Variants in ATRNL1 observed in about 807,000 individuals in gnomAD.
The protein encoded by ATRNL1 is attractin like 1.
In ATRNL1, 95 loss-of-function variants were observed where a neutral mutation model predicts 182.7. The ratio of observed to expected loss-of-function variants is 0.52; its 90% CI spans 0.44 to 0.62. The LOEUF is 0.62. Among genes scored for constraint, ATRNL1 ranks in the 20% least tolerant of loss-of-function variants. The pLI is 0.00. For synonymous variants in ATRNL1, 576 were observed against 568.3 expected (o/e 1.01, Z -0.19); for missense variants, 1,471 against 1,679.5 (o/e 0.88, Z 2.17).
chr10:115,145,251 T>G (rs1554879042), intron 5 of ATRNL1, among the ~76,000 whole-genome samples: 2 of 152,180 alleles, frequency 1.3e-5, no homozygotes, highest in Admixed American at 6.5e-5. Context: ...GATAAGTGAC[T>G]CTTCCTTTTC....
intron 27 of ATRNL1, among the ~76,000 whole-genome samples, chr10:115,819,071 T>C (rs1347105463): frequency 6.6e-6 from 1 of 152,092 alleles, no homozygotes; most frequent in Non-Finnish European, 1.5e-5. Context: ...AGGATGACTG[T>C]TGCTCAGGCA....
chr10:115,445,494 A>G (rs1295282921), intron 21 of ATRNL1, among the ~76,000 whole-genome samples: 5 of 137,740 alleles, frequency 3.6e-5, no homozygotes, highest in African/African-American at 1.4e-4. Flanking sequence ...CTCTGTAAAT[A>G]ACTCATTTGT....
chr10:115,370,670 G>T (rs1328990350), intron 19 of ATRNL1, among the ~76,000 whole-genome samples: 2 of 152,208 alleles, frequency 1.3e-5, no homozygotes, highest in Admixed American at 1.3e-4. Context: ...TGCTATTAAA[G>T]GCATTCAGTT....
chr10:115,575,079 T>C (rs1265374322), intron 26 of ATRNL1, among the ~76,000 whole-genome samples: 7 of 152,168 alleles, frequency 4.6e-5, no homozygotes, highest in African/African-American at 1.7e-4. Context: ...CTCATTGTTA[T>C]AGTGGAAAGT....
At chr10:115,628,955 G>T (rs1037301708) in intron 26 of ATRNL1, among the ~76,000 whole-genome samples, 3 of 151,940 alleles carry the variant, frequency 2.0e-5, no homozygotes, top group Non-Finnish European at 4.4e-5. Flanking sequence ...AAAATCAATT[G>T]GCTATAGATG....
chr10:115,099,278 G>A (rs901206608), intron 1 of ATRNL1, among the ~76,000 whole-genome samples: 5 of 152,126 alleles, frequency 3.3e-5, no homozygotes, highest in Non-Finnish European at 4.4e-5. Context: ...TTCTACTGCC[G>A]AATAGTGTTC....
intron 27 of ATRNL1, among the ~76,000 whole-genome samples, chr10:115,777,408 A>G (rs1396408104): frequency 1.3e-5 from 2 of 152,186 alleles, no homozygotes; most frequent in East Asian, 1.9e-4. Flanking sequence ...ATATCAAGTT[A>G]TTGATATTTT....
intron 26 of ATRNL1, among the ~76,000 whole-genome samples, chr10:115,700,497 T>C (rs1414457470): frequency 6.6e-6 from 1 of 152,146 alleles, no homozygotes; most frequent in African/African-American, 2.4e-5. Context: ...TATGTCTTCT[T>C]TTGAGAAGTG....
intron 26 of ATRNL1, among the ~76,000 whole-genome samples, chr10:115,610,146 T>G (rs1857080373): frequency 1.3e-5 from 2 of 152,182 alleles, no homozygotes. Flanking sequence ...AAATGAAGCT[T>G]GTAGACGTTA....
chr10:115,803,279 A>G (rs1197640799), intron 27 of ATRNL1, among the ~76,000 whole-genome samples: 8 of 152,116 alleles, frequency 5.3e-5, no homozygotes, highest in African/African-American at 9.7e-5. Flanking sequence ...TCCTCATTCA[A>G]TAAAATTTAT....
At chr10:115,569,776 C>CTT (rs10581276) in intron 26 of ATRNL1, among the ~76,000 whole-genome samples, 1 of 150,302 alleles carries the variant, frequency 6.7e-6, no homozygotes, top group African/African-American at 2.5e-5. Context: ...TCTTTAAATA[C>CTT]TTTTTTTTTT....
chr10:115,474,860 G>C (rs1848463324), intron 24 of ATRNL1, among the ~76,000 whole-genome samples: 1 of 151,372 alleles, frequency 6.6e-6, no homozygotes, highest in Non-Finnish European at 1.5e-5. Flanking sequence ...AGTATGGACT[G>C]ACTAACCAAA....
At chr10:115,545,567 G>A (rs1051136015) in intron 25 of ATRNL1, among the ~76,000 whole-genome samples, 1 of 152,006 alleles carries the variant, frequency 6.6e-6, no homozygotes. Flanking sequence ...TTACAAAAAC[G>A]ATAATCAGTT....
At chr10:115,628,424 G>A (rs1442859675) in intron 26 of ATRNL1, among the ~76,000 whole-genome samples, 1 of 152,020 alleles carries the variant, frequency 6.6e-6, no homozygotes, top group Admixed American at 6.6e-5. Flanking sequence ...TAGTTGGACT[G>A]ATGATTTGTT....
chr10:115,282,896 G>A (rs1405377243), intron 14 of ATRNL1, among the ~76,000 whole-genome samples: 4 of 151,520 alleles, frequency 2.6e-5, no homozygotes, highest in Non-Finnish European at 4.4e-5. Flanking sequence ...GTATACACAT[G>A]CCATGGTGGT....
chr10:115,610,415 A>C (rs1857095870), intron 26 of ATRNL1, among the ~76,000 whole-genome samples: 1 of 152,184 alleles, frequency 6.6e-6, no homozygotes, highest in Non-Finnish European at 1.5e-5. Context: ...TTCTCTTGGT[A>C]GCTTATTTCT....
At chr10:115,159,748 C>T (rs1384149132) in intron 5 of ATRNL1, among the ~76,000 whole-genome samples, 3 of 151,408 alleles carry the variant, frequency 2.0e-5, no homozygotes, top group Admixed American at 6.6e-5. Context: ...TTTTAATACT[C>T]TTGTAGCATA....
intron 3 of ATRNL1, among the ~76,000 whole-genome samples, chr10:115,125,357 A>G (rs897431695): frequency 6.6e-6 from 1 of 152,180 alleles, no homozygotes; most frequent in Admixed American, 6.5e-5. Context: ...AATATGAATC[A>G]AGGTTATGTA....
chr10:115,828,910 A>G (rs1950499415), intron 27 of ATRNL1, among the ~76,000 whole-genome samples: 1 of 152,220 alleles, frequency 6.6e-6, no homozygotes, highest in Non-Finnish European at 1.5e-5. Flanking sequence ...TCCCATTATT[A>G]GCCCTCTCCA....
Sources: gnomAD v4.1 joint callset for allele counts (sites outside exome capture counted in the v4.1 genomes callset) on GRCh38, gnomAD v4.1.1 for gene constraint, MANE v1.5 for transcripts, NCBI Gene and HGNC (gene_info 2026-07-23, HGNC 2026-07-21) for gene names.